DTWD1: variants seen among roughly 807,000 people sequenced by gnomAD.
DTWD1 encodes DTW motif tRNA-uridine aminocarboxypropyltransferase 1, also known as tRNA-uridine aminocarboxypropyltransferase 1.
In DTWD1, 27 loss-of-function variants were observed where a neutral mutation model predicts 30.2. The ratio of observed to expected loss-of-function variants is 0.90; its 90% confidence interval spans 0.66 to 1.23. DTWD1 has a LOEUF of 1.23. DTWD1 is among the 50% of genes most tolerant of loss of function. DTWD1 has a pLI of 0.00. For missense variants in DTWD1, 342 were observed against 348.8 expected, an observed-to-expected ratio of 0.98 and a Z score of 0.15; for synonymous variants, 99 against 113.1, an observed-to-expected ratio of 0.88 and a Z score of 0.79.
chr15:49,622,886 G>A lies in DTWD1; in HGVS notation c.-56+1764G>A, dbSNP rs189043377. On this transcript the variant is annotated intron_variant, in intron 1 of 4. Transcript: ENST00000403028. ...ACATTTCTCTTTTACTGTCTTACAG[G>A]TATTTGTGGTGGTTGATTTTTCTAG... Among the ~76,000 whole-genome samples, 674 of 152,230 alleles carry A rather than the reference G, an allele frequency of 4.4e-3. 10 individuals are homozygous for A. The highest frequency in any genetic ancestry group is 0.016 in the African/African-American group (644 of 41,536).
intron 4 of DTWD1, among the ~76,000 whole-genome samples, chr15:49,639,860 G>A (rs996710386): frequency 6.6e-6 from 1 of 152,118 alleles, no homozygotes; most frequent in Non-Finnish European, 1.5e-5. Context: ...GGAAAGAATT[G>A]GGCTGGGACA....
intron 4 of DTWD1, among the ~76,000 whole-genome samples, chr15:49,641,955 A>G (rs1337821238): frequency 2.6e-5 from 4 of 152,098 alleles, no homozygotes; most frequent in Non-Finnish European, 5.9e-5. Context: ...TGTTTCATGT[A>G]TCTGTGGCTT....
At chr15:49,627,650 G>A (rs2078861258) in intron 2 of DTWD1, among the ~76,000 whole-genome samples, 1 of 152,122 alleles carries the variant, frequency 6.6e-6, no homozygotes, top group African/African-American at 2.4e-5. Flanking sequence ...TTATTGTACT[G>A]CATACTGTAC....
intron 2 of DTWD1, among the ~76,000 whole-genome samples, chr15:49,625,777 A>C (rs764251354): frequency 1.3e-5 from 2 of 152,124 alleles, no homozygotes; most frequent in Non-Finnish European, 2.9e-5. Flanking sequence ...AATTTTCCAA[A>C]TAGGGTAAAT....
chr15:49,642,906 C>T (rs576409830), intron 4 of DTWD1, among the ~76,000 whole-genome samples: 2 of 152,226 alleles, frequency 1.3e-5, no homozygotes, highest in South Asian at 2.1e-4. Flanking sequence ...GCCTGGGTGA[C>T]AGAGTGAGAC....
chr15:49,631,960 T>C (rs1302034347), intron 2 of DTWD1, 199 bp from the exon 3 acceptor site: 3 of 605,028 alleles, frequency 5.0e-6, no homozygotes, highest in Non-Finnish European at 8.8e-6. Context: ...TCCTAATACA[T>C]GAATAACAAT....
chr15:49,643,223 C>T, intron 4 of DTWD1, 108 bp from the exon 5 acceptor site: 1 of 1,284,326 alleles, frequency 7.8e-7, no homozygotes, highest in Non-Finnish European at 1.0e-6. Context: ...AAAAAAAATT[C>T]TTAGAATAAT....
chr15:49,621,940 C>T lies in DTWD1; in HGVS notation c.-56+818C>T, dbSNP rs144207543. On this transcript the variant is annotated intron_variant, in intron 1 of 4. Transcript: ENST00000403028. ...TACTGAATTGGTCCACAATATAGGACAGGGGAGTCTGTATAGTGTTCCATT... is the reference window on the plus strand; with the variant it reads ...TACTGAATTGGTCCACAATATAGGATAGGGGAGTCTGTATAGTGTTCCATT... Among the ~76,000 whole-genome samples, 554 of 152,120 alleles carry T rather than the reference C, an allele frequency of 3.6e-3. 4 individuals are homozygous for T. Among genetic ancestry groups the T allele is most frequent in the African/African-American group, 0.013 (525 of 41,480 alleles).
chr15:49,635,813 A>G (rs186510958), intron 4 of DTWD1, among the ~76,000 whole-genome samples: 220 of 152,242 alleles, frequency 1.4e-3, no homozygotes, highest in African/African-American at 5.2e-3. Context: ...GTTTTTAAAA[A>G]TAACTTTTTT....
intron 4 of DTWD1, among the ~76,000 whole-genome samples, chr15:49,638,152 A>G (rs575699139): frequency 6.6e-6 from 1 of 152,326 alleles, no homozygotes; most frequent in African/African-American, 2.4e-5. Context: ...ATTTTTCTTT[A>G]TAGTTACCTT....
chr15:49,633,043 CTATATCTATATA>C (rs1453305948), intron 3 of DTWD1, among the ~76,000 whole-genome samples: 4 of 129,492 alleles, frequency 3.1e-5, no homozygotes, highest in Admixed American at 7.8e-5. Flanking sequence ...CTATTTATAT[CTATATCTATATA>C]TATATATATA....
chr15:49,639,296 C>T (rs1431260650), intron 4 of DTWD1, among the ~76,000 whole-genome samples: 1 of 152,150 alleles, frequency 6.6e-6, no homozygotes, highest in East Asian at 1.9e-4. Context: ...TGTAGTGGCT[C>T]ATTCCTGTAA....
At position 49,647,584 on chromosome 15, in the gene DTWD1, T is replaced by TA. The variant is rs1215706149; in HGVS notation, c.*4007dup. Reference sequence around the variant, plus strand: ...CTTCCATGTTACTGGAAGCATTAATTATAGCAACTTTTTATCTCCAAATAC... The same window carrying TA: ...CTTCCATGTTACTGGAAGCATTAATTAATAGCAACTTTTTATCTCCAAATAC... On this transcript the variant is annotated 3_prime_UTR_variant, in exon 5 of 5. Transcript: ENST00000403028. 1 of 152,112 alleles carries TA rather than the reference T, an allele frequency of 6.6e-6. No homozygotes were observed. The highest frequency in any genetic ancestry group is 1.5e-5 in the Non-Finnish European group (1 of 67,996). 9.4% of individuals were successfully genotyped at this position (152,112 alleles called of 1,614,324 possible).
chr15:49,622,656 T>A (rs2078769747), intron 1 of DTWD1, among the ~76,000 whole-genome samples: 1 of 152,200 alleles, frequency 6.6e-6, no homozygotes. Flanking sequence ...AAATTTTAAA[T>A]AACCCCATTT....
Position 49,625,109 on chromosome 15 carries a change from A to G in DTWD1, c.-55-4A>G. The G allele has an allele frequency of 1.4e-6, 2 of 1,470,214 alleles. No individual in the cohort carries two copies. The highest frequency in any genetic ancestry group is 9.2e-7 in the Non-Finnish European group (1 of 1,083,192). 91.1% of individuals were successfully genotyped at this position (1,470,214 alleles called of 1,614,324 possible). On this transcript the variant is annotated splice_polypyrimidine_tract_variant and splice_region_variant and intron_variant, in intron 1 of 4. Coordinates refer to ENST00000403028, the MANE Select transcript of DTWD1 (RefSeq NM_001144955.2). The stretch of plus-strand genomic sequence containing the variant: ...TTCCTTCTCTTGATACTTTTTTTTT[A>G]CAGTGCACCTATGATATGTGTTTTA...
Position 49,645,102 on chromosome 15 carries a change from T to C in DTWD1, c.*1524T>C, listed in dbSNP as rs2079108770. ...TCAGAAGGCAAAACATATTAAAGGT[T>C]CTGAAAAGTCCTGAAATAAACATTT... On this transcript the variant is annotated 3_prime_UTR_variant, in exon 5 of 5. Transcript: ENST00000403028. The C allele has an allele frequency of 6.6e-6, 1 of 152,168 alleles. No individual in the cohort carries two copies. Among genetic ancestry groups the C allele is most frequent in the African/African-American group, 2.4e-5 (1 of 41,446 alleles). The allele number at this position is 152,168 out of a possible 1,614,324, so 9.4% of individuals were successfully genotyped here. A position where few individuals can be genotyped will look rare whatever the true frequency, so the allele number is the denominator to read the frequency against.
rs1263363220 is a variant in DTWD1, at chr15:49,654,656, G to A, written c.*11078G>A. On this transcript the variant is annotated 3_prime_UTR_variant, in exon 5 of 5. Coordinates refer to ENST00000403028, the MANE Select transcript of DTWD1 (RefSeq NM_001144955.2). ...ATAACAGAAATATCATAGATTGAGTGACTTTTTTTCTTTAAAAAAATGAGA... is the reference window on the plus strand; with the variant it reads ...ATAACAGAAATATCATAGATTGAGTAACTTTTTTTCTTTAAAAAAATGAGA... 6.6e-6 allele frequency: 1 copy of A among 151,640 alleles called. No individual in the cohort carries two copies. Among genetic ancestry groups the A allele is most frequent in the Non-Finnish European group, 1.5e-5 (1 of 67,912 alleles). The allele number at this position is 151,640 out of a possible 1,614,324, so 9.4% of individuals were successfully genotyped here. A position where few individuals can be genotyped will look rare whatever the true frequency, so the allele number is the denominator to read the frequency against.
intron 4 of DTWD1, among the ~76,000 whole-genome samples, chr15:49,640,150 T>G (rs2079049333): frequency 6.6e-6 from 1 of 152,122 alleles, no homozygotes; most frequent in African/African-American, 2.4e-5. Flanking sequence ...TAGATTATAG[T>G]GTTATATATA....
rs566587409 is a variant in DTWD1, at chr15:49,640,515, T to C, written c.668-2816T>C. 3.3e-5 allele frequency among the ~76,000 whole-genome samples: 5 copies of C among 152,214 alleles called. No individual in the cohort carries two copies. The East Asian group carries it at 9.6e-4, about 29-fold the overall frequency. On this transcript the variant is annotated intron_variant, in intron 4 of 4. Transcript: ENST00000403028. ...CCTTTACAGGATAATGCCAAATTGT[T>C]TTTCAAAGTGGACATACAAAGGAAT...
Sources: gnomAD v4.1 joint callset for allele counts (sites outside exome capture counted in the v4.1 genomes callset) on GRCh38, gnomAD v4.1.1 for gene constraint, MANE v1.5 for transcripts, NCBI Gene and HGNC (gene_info 2026-07-23, HGNC 2026-07-21) for gene names.